The following MITF variants were observed in gnomAD, a reference collection of about 807,000 sequenced individuals.
The protein encoded by MITF is melanocyte inducing transcription factor.
In MITF, 17 loss-of-function variants were observed where a neutral mutation model predicts 60.5. That is an observed-to-expected ratio of 0.28 (90% CI 0.19 to 0.42). The LOEUF (loss-of-function observed/expected upper bound fraction) is 0.42, where lower values mean the gene tolerates loss of function less well. Among genes scored for constraint, MITF ranks in the 10% least tolerant of loss-of-function variants. MITF has a pLI of 1.00. For synonymous variants in MITF, 260 were observed against 248.5 expected (o/e 1.05, Z -0.43); for missense variants, 622 against 683.5 (o/e 0.91, Z 1.00).
intron 1 of MITF, among the ~76,000 whole-genome samples, chr3:69,842,524 T>A (rs1270783748): frequency 6.6e-6 from 1 of 152,112 alleles, no homozygotes; most frequent in Non-Finnish European, 1.5e-5. Flanking sequence ...AATTATAGCA[T>A]CAGAAGTGAA....
At chr3:69,788,687 G>C (rs1337664625) in intron 1 of MITF, among the ~76,000 whole-genome samples, 1 of 152,078 alleles carries the variant, frequency 6.6e-6, no homozygotes, top group East Asian at 1.9e-4. Context: ...ACACTTTCTG[G>C]TTTCAAAACA....
chr3:69,918,503 G>T (rs2065388719), intron 2 of MITF, among the ~76,000 whole-genome samples: 2 of 152,100 alleles, frequency 1.3e-5, no homozygotes, highest in Non-Finnish European at 2.9e-5. Context: ...AAGTATGTTT[G>T]CCATATCACT....
At chr3:69,852,249 C>T (rs1219106477) in intron 1 of MITF, among the ~76,000 whole-genome samples, 2 of 152,118 alleles carry the variant, frequency 1.3e-5, no homozygotes, top group African/African-American at 4.8e-5. Flanking sequence ...ACATGCACTG[C>T]CTGAGGAATT....
Position 69,739,655 on chromosome 3 carries a change from G to A in MITF, c.58G>A (p.Glu20Lys), listed in dbSNP as rs770451570. 6.3e-7 allele frequency: 1 copy of A among 1,584,750 alleles called. No homozygotes were observed. The highest frequency in any genetic ancestry group is 8.6e-7 in the Non-Finnish European group (1 of 1,163,904). The change falls in exon 1 of 10, where the codon GAG (glutamate) becomes AAG (lysine). Residue 20 changes from glutamate to lysine, a missense_variant. Glu to Lys is a moderately conservative substitution (Grantham distance 56). This residue lies in a region of MITF where 149 missense variants were observed against 157.8 expected (regional missense o/e 0.94). Coordinates refer to ENST00000352241, the MANE Select transcript of MITF (RefSeq NM_001354604.2). Reference protein sequence around the residue: ...DFEVGEEFHEEPKTYYELKSQ... With the variant: ...DFEVGEEFHEKPKTYYELKSQ... Reference sequence around the variant, plus strand: ...CGAAGTCGGGGAGGAGTTTCATGAAGAGCCCAAAACCTATTACGAACTCAA... The same window carrying A: ...CGAAGTCGGGGAGGAGTTTCATGAAAAGCCCAAAACCTATTACGAACTCAA...
chr3:69,960,464 G>A (rs893165523), intron 9 of MITF, among the ~76,000 whole-genome samples: 9 of 152,102 alleles, frequency 5.9e-5, no homozygotes, highest in Non-Finnish European at 8.8e-5. Context: ...GGGGCTTGGC[G>A]TCTCTTGTTG....
At chr3:69,871,936 T>C (rs2064247091) in intron 1 of MITF, among the ~76,000 whole-genome samples, 1 of 152,260 alleles carries the variant, frequency 6.6e-6, no homozygotes, top group African/African-American at 2.4e-5. Context: ...TTAATTACTT[T>C]AAGGGATGAA....
At position 69,766,323 on chromosome 3, in the gene MITF, C is replaced by G. The variant is rs531747011; in HGVS notation, c.104+26622C>G. Reference sequence around the variant, plus strand: ...CTCCTGGGTTCAAGTGATTCTCCTGCCTCAGTCTCCTGAGTAGCTGGGATT... The same window carrying G: ...CTCCTGGGTTCAAGTGATTCTCCTGGCTCAGTCTCCTGAGTAGCTGGGATT... On this transcript the variant is annotated intron_variant, in intron 1 of 9. Transcript: ENST00000352241. Among the ~76,000 whole-genome samples the G allele has an allele frequency of 2.0e-5, 3 of 151,038 alleles. No individual in the cohort carries two copies. The East Asian group carries it at 5.8e-4, about 29-fold the overall frequency.
At chr3:69,807,392 C>T (rs1181843048) in intron 1 of MITF, among the ~76,000 whole-genome samples, 3 of 152,202 alleles carry the variant, frequency 2.0e-5, no homozygotes, top group African/African-American at 7.2e-5. Flanking sequence ...GCTATTACTG[C>T]TTTGATGGAA....
chr3:69,830,691 C>G (rs542880013), intron 1 of MITF, among the ~76,000 whole-genome samples: 1 of 152,214 alleles, frequency 6.6e-6, no homozygotes, highest in East Asian at 1.9e-4. Flanking sequence ...ATAATGGGTG[C>G]TCAGTAAATG....
chr3:69,803,195 C>T (rs780950143), intron 1 of MITF, among the ~76,000 whole-genome samples: 1 of 152,154 alleles, frequency 6.6e-6, no homozygotes, highest in Non-Finnish European at 1.5e-5. Context: ...ATACAAAAGT[C>T]CAGTTTATGA....
At chr3:69,800,005 G>A (rs1479916597) in intron 1 of MITF, among the ~76,000 whole-genome samples, 2 of 152,138 alleles carry the variant, frequency 1.3e-5, no homozygotes, top group Non-Finnish European at 2.9e-5. Context: ...GTACACTTCA[G>A]TAGTTTTAAA....
At position 69,870,770 on chromosome 3, in the gene MITF, G is replaced by T. The variant is rs563518562; in HGVS notation, c.105-8364G>T. ...TGTTATCTACTTAAATCTAATTGGC[G>T]AAACTTAGCATGTAGCCAGTCCAGC... is the stretch of plus-strand genomic sequence containing the variant. On this transcript the variant is annotated intron_variant, in intron 1 of 9. Transcript: ENST00000352241. Among the ~76,000 whole-genome samples, 3 of 152,190 alleles carry T rather than the reference G, an allele frequency of 2.0e-5. No individual in the cohort carries two copies. The East Asian group carries it at 5.8e-4, about 29-fold the overall frequency.
At chr3:69,943,942 T>C (rs1358699297) in intron 5 of MITF, among the ~76,000 whole-genome samples, 1 of 151,816 alleles carries the variant, frequency 6.6e-6, no homozygotes, top group African/African-American at 2.4e-5. Flanking sequence ...ATGTAAAAAA[T>C]TAGCTGGGTG....
chr3:69,872,329 A>AG (rs200832019), intron 1 of MITF, among the ~76,000 whole-genome samples: 6 of 152,170 alleles, frequency 3.9e-5, no homozygotes, highest in African/African-American at 1.4e-4. Context: ...TAAAAAAAAA[A>AG]TAACCAACTT....
chr3:69,750,648 C>T (rs1355256500), intron 1 of MITF, among the ~76,000 whole-genome samples: 3 of 152,052 alleles, frequency 2.0e-5, no homozygotes, highest in African/African-American at 7.2e-5. Context: ...AAACAGATTT[C>T]AGGGACACAC....
rs149406095 is a variant in MITF, at chr3:69,877,109, G to A, written c.105-2025G>A. Among the ~76,000 whole-genome samples the A allele has an allele frequency of 1.8e-4, 28 of 151,976 alleles. No homozygotes were observed. In the East Asian group the frequency reaches 5.4e-3, roughly 29 times the overall value. On this transcript the variant is annotated intron_variant, in intron 1 of 9. Transcript: ENST00000352241. The stretch of plus-strand genomic sequence containing the variant: ...GAATCCTACTTTTAAATTCCCTCTT[G>A]TTACATACATTTCCCACTTTGTTCT...
At chr3:69,813,849 AG>A (rs1357448345) in intron 1 of MITF, among the ~76,000 whole-genome samples, 2 of 152,224 alleles carry the variant, frequency 1.3e-5, no homozygotes, top group Non-Finnish European at 1.5e-5. Flanking sequence ...GGACTTAACT[AG>A]GCAATGAAAG....
chr3:69,855,537 T>A (rs2063903026), intron 1 of MITF, among the ~76,000 whole-genome samples: 1 of 151,952 alleles, frequency 6.6e-6, no homozygotes, highest in South Asian at 2.1e-4. Flanking sequence ...AGCACACAGC[T>A]CTCCCGTAAC....
chr3:69,836,193 T>C (rs541376658), intron 1 of MITF, among the ~76,000 whole-genome samples: 2 of 152,202 alleles, frequency 1.3e-5, no homozygotes, highest in Admixed American at 1.3e-4. Flanking sequence ...TTTACCCTGA[T>C]GGTTATGTTT....
Sources: gnomAD v4.1 joint callset for allele counts (sites outside exome capture counted in the v4.1 genomes callset) on GRCh38, gnomAD v4.1.1 for gene constraint, gnomAD v4.1.1 regional missense constraint, MANE v1.5 for transcripts, NCBI Gene and HGNC (gene_info 2026-07-23, HGNC 2026-07-21) for gene names.